Variants in OGG1 observed in about 807,000 individuals in gnomAD.
The protein encoded by OGG1 is N-glycosylase/DNA lyase.
In OGG1, 35 loss-of-function variants were observed where a neutral mutation model predicts 42.3. The observed-to-expected ratio is 0.83, with a 90% CI of 0.63 to 1.10. OGG1 has a LOEUF of 1.10. OGG1 is among the 50% of genes least tolerant of loss of function. The pLI is 0.00. For synonymous variants in OGG1, 189 were observed against 179.0 expected, an observed-to-expected ratio of 1.06 and a Z score of -0.44; for missense variants, 484 against 446.7, an observed-to-expected ratio of 1.08 and a Z score of -0.75.
downstream of OGG1, among the ~76,000 whole-genome samples, chr3:9,790,614 C>T (rs2078705939): frequency 6.6e-6 from 1 of 152,218 alleles, no homozygotes; most frequent in African/African-American, 2.4e-5. Context: ...AGGCTCAAGG[C>T]ATCTTTATGC....
At chr3:9,756,443 A>C (rs1331139653) in intron 4 of OGG1, 28 bp from the exon 5 acceptor site, 1 of 1,613,938 alleles carries the variant, frequency 6.2e-7, no homozygotes, top group Admixed American at 1.7e-5. Flanking sequence ...CCCTTCTTCC[A>C]CAAGGGCTCA....
intron 7 of OGG1, chr3:9,763,276 T>C (rs2077977841): frequency 6.2e-7 from 1 of 1,603,070 alleles, no homozygotes; most frequent in African/African-American, 1.3e-5. Flanking sequence ...TCCAAGCTAC[T>C]TGGGAACTTG....
downstream of OGG1, chr3:9,769,810 G>A (rs1371239016): frequency 6.6e-6 from 1 of 152,336 alleles, no homozygotes; most frequent in Non-Finnish European, 1.5e-5. Context: ...CAGGGGTGCA[G>A]GGATGGGGGG....
At chr3:9,790,096 A>C, downstream of OGG1, 1 of 1,147,778 alleles carries the variant, frequency 8.7e-7, no homozygotes, top group Non-Finnish European at 1.2e-6. Flanking sequence ...TTACCTAGTA[A>C]ACTCTTACTC....
Position 9,751,888 on chromosome 3 carries a change from T to G in OGG1, c.504T>G (p.Pro168=), listed in dbSNP as rs779904149. 1 of 1,614,188 alleles carries G rather than the reference T, an allele frequency of 6.2e-7. No individual in the cohort carries two copies. The highest frequency in any genetic ancestry group is 1.1e-5 in the South Asian group (1 of 91,074). The change falls in exon 3 of 7, where the codon CCT becomes CCG. Residue 168 remains proline, a synonymous_variant. Coordinates refer to ENST00000344629, the MANE Select transcript of OGG1 (RefSeq NM_002542.6). Reference sequence around the variant, plus strand: ...AGCGGCTGTGCCAGGCTTTTGGACCTCGGCTCATCCAGCTTGATGATGTCA... The same window carrying G: ...AGCGGCTGTGCCAGGCTTTTGGACCGCGGCTCATCCAGCTTGATGATGTCA... ...MVERLCQAFG[P]RLIQLDDVTY...
chr3:9,780,624 C>T (rs2078437478), intron 2 of OGG1: 2 of 1,459,244 alleles, frequency 1.4e-6, no homozygotes, highest in Non-Finnish European at 1.8e-6. Context: ...CAAGACCGAG[C>T]CTACCCACCA....
At chr3:9,780,360 C>A in intron 2 of OGG1, 1 of 1,611,782 alleles carries the variant, frequency 6.2e-7, no homozygotes, top group Non-Finnish European at 8.5e-7. Context: ...GTGAGGGCTA[C>A]CCATCCAGCA....
intron 4 of OGG1, 86 bp from the exon 5 acceptor site, chr3:9,756,385 G>A: frequency 2.9e-6 from 4 of 1,380,314 alleles, no homozygotes; most frequent in Non-Finnish European, 2.1e-6. Flanking sequence ...GAGTGAAGGA[G>A]AAAGCAGCCG....
chr3:9,753,482 C>A (rs2077400393), intron 3 of OGG1, among the ~76,000 whole-genome samples: 1 of 151,900 alleles, frequency 6.6e-6, no homozygotes, highest in South Asian at 2.1e-4. Flanking sequence ...GAAACCCCGT[C>A]TCTACTAAAA....
chr3:9,788,307 A>G (rs293787), downstream of OGG1: 129,856 of 151,764 alleles, frequency 0.86, 55,732 homozygotes, highest in Middle Eastern at 0.89. Flanking sequence ...GTGCAGTGGC[A>G]CAATCTCAGC....
chr3:9,751,657 C>G, intron 2 of OGG1, 113 bp from the exon 3 acceptor site: 1 of 976,736 alleles, frequency 1.0e-6, no homozygotes, highest in Non-Finnish European at 1.7e-6. Context: ...TGCTGACTCT[C>G]ATTCTCCTGG....
downstream of OGG1, chr3:9,789,687 C>G (rs977611843): frequency 2.5e-6 from 4 of 1,609,122 alleles, no homozygotes; most frequent in Non-Finnish European, 3.4e-6. Context: ...CCTTGAGGCC[C>G]CCTTCTATGT....
downstream of OGG1, among the ~76,000 whole-genome samples, chr3:9,768,738 C>T (rs2078225704): frequency 6.6e-6 from 1 of 152,210 alleles, no homozygotes. Context: ...GCTTTGTGAC[C>T]TCAGGGAGAG....
At chr3:9,767,900 C>A, downstream of OGG1, 1 of 1,324,796 alleles carries the variant, frequency 7.5e-7, no homozygotes, top group Non-Finnish European at 9.9e-7. Flanking sequence ...ATCCATTTGA[C>A]AAAATCATTC....
intron 3 of OGG1, chr3:9,783,987 C>G (rs749971106): frequency 1.9e-6 from 3 of 1,583,028 alleles, no homozygotes; most frequent in Non-Finnish European, 1.7e-6. Flanking sequence ...GCCACAGCCT[C>G]CAAGGCCACC....
chr3:9,769,569 G>A (rs1281552821), downstream of OGG1, among the ~76,000 whole-genome samples: 1 of 152,046 alleles, frequency 6.6e-6, no homozygotes, highest in Non-Finnish European at 1.5e-5. Flanking sequence ...ACCTCCAAAT[G>A]CCCACGCCCT....
intron 2 of OGG1, among the ~76,000 whole-genome samples, chr3:9,773,021 G>T (rs1374616770): frequency 6.6e-6 from 1 of 152,142 alleles, no homozygotes; most frequent in Non-Finnish European, 1.5e-5. Context: ...CTGAGGTCAG[G>T]AGTTTAAGAC....
At chr3:9,754,664 G>T (rs373716109) in intron 3 of OGG1, 40 bp from the exon 4 acceptor site, 27 of 1,607,542 alleles carry the variant, frequency 1.7e-5, no homozygotes, top group Non-Finnish European at 2.2e-5. Flanking sequence ...GGAAGAACTT[G>T]AAGATGCCTG....
chr3:9,760,565 C>T (rs2077807978), downstream of OGG1: 28 of 1,335,696 alleles, frequency 2.1e-5, no homozygotes, highest in South Asian at 3.2e-4. Flanking sequence ...GAAAATCCGA[C>T]AGAAGGAAGG....
Sources: gnomAD v4.1 joint callset for allele counts (sites outside exome capture counted in the v4.1 genomes callset) on GRCh38, gnomAD v4.1.1 for gene constraint, MANE v1.5 for transcripts, NCBI Gene and HGNC (gene_info 2026-07-23, HGNC 2026-07-21) for gene names.